The following STX18 variants were observed in gnomAD, a reference collection of about 807,000 sequenced individuals.
The protein encoded by STX18 is syntaxin 18, also known as syntaxin-18.
In STX18, 40 loss-of-function variants were observed where a neutral mutation model predicts 50.1. The observed-to-expected ratio is 0.80, with a 90% CI of 0.62 to 1.04. STX18 has a LOEUF of 1.04. Ranked by LOEUF, STX18 falls within the 50% of genes least tolerant of loss-of-function variation. The probability of loss-of-function intolerance (pLI) is 0.00; values close to 1 mark genes in which losing one functional copy is unlikely to be tolerated. For synonymous variants in STX18, 158 were observed against 151.8 expected, an observed-to-expected ratio of 1.04 and a Z score of -0.30; for missense variants, 410 against 415.8, an observed-to-expected ratio of 0.99 and a Z score of 0.12.
At chr4:4,477,049 T>TA (rs1276525094) in intron 1 of STX18, among the ~76,000 whole-genome samples, 4 of 149,614 alleles carry the variant, frequency 2.7e-5, no homozygotes, top group African/African-American at 4.9e-5. Context: ...AAAATACAAT[T>TA]AAAAAAAACC....
chr4:4,455,074 A>C (rs1161817391), intron 5 of STX18, among the ~76,000 whole-genome samples: 2 of 152,200 alleles, frequency 1.3e-5, no homozygotes, highest in African/African-American at 4.8e-5. Context: ...GCTCAAAGTC[A>C]CACAGTTTGA....
At chr4:4,518,653 T>C (rs1730385896) in intron 1 of STX18, among the ~76,000 whole-genome samples, 2 of 152,164 alleles carry the variant, frequency 1.3e-5, no homozygotes, top group Non-Finnish European at 1.5e-5. Context: ...AATTAATTCC[T>C]TCCTCTCTCT....
chr4:4,458,307 A>G (rs1303124346), intron 3 of STX18, among the ~76,000 whole-genome samples: 1 of 152,214 alleles, frequency 6.6e-6, no homozygotes, highest in Non-Finnish European at 1.5e-5. Context: ...CAATGAATGT[A>G]TATGCCCTTA....
intron 2 of STX18, among the ~76,000 whole-genome samples, chr4:4,468,596 T>G (rs1727746555): frequency 6.6e-6 from 1 of 152,138 alleles, no homozygotes. Flanking sequence ...TCGGTTACAT[T>G]ATCATGGTTA....
At chr4:4,482,817 G>T (rs958218456) in intron 1 of STX18, among the ~76,000 whole-genome samples, 1 of 152,202 alleles carries the variant, frequency 6.6e-6, no homozygotes, top group Non-Finnish European at 1.5e-5. Flanking sequence ...GAGGCAAGCT[G>T]TAAGTGATAA....
chr4:4,467,041 C>T (rs1330733581), intron 2 of STX18, among the ~76,000 whole-genome samples: 1 of 152,078 alleles, frequency 6.6e-6, no homozygotes, highest in Non-Finnish European at 1.5e-5. Flanking sequence ...AGCCAGTGTC[C>T]TGGTCTGCAT....
intron 1 of STX18, among the ~76,000 whole-genome samples, chr4:4,474,727 G>T (rs753476614): frequency 4.6e-5 from 7 of 152,186 alleles, no homozygotes; most frequent in Admixed American, 6.5e-5. Context: ...GATGGGGAAA[G>T]GAAGCCAAAG....
intron 1 of STX18, among the ~76,000 whole-genome samples, chr4:4,475,162 T>C (rs895618652): frequency 2.0e-4 from 31 of 152,182 alleles, no homozygotes; most frequent in Admixed American, 2.0e-3. Context: ...CACAAGCACA[T>C]AATTATTATA....
intron 1 of STX18, among the ~76,000 whole-genome samples, chr4:4,527,211 A>G (rs533502717): frequency 6.6e-6 from 1 of 152,332 alleles, no homozygotes; most frequent in East Asian, 1.9e-4. Flanking sequence ...ATTCTTTGGA[A>G]AAATATGCTT....
chr4:4,450,532 G>A (rs976703775), intron 5 of STX18, among the ~76,000 whole-genome samples: 3 of 152,068 alleles, frequency 2.0e-5, no homozygotes, highest in Admixed American at 6.6e-5. Context: ...CCGAACTCCC[G>A]GCCTCAAGCA....
At chr4:4,507,811 AC>A (rs1729793836) in intron 1 of STX18, 5 of 559,136 alleles carry the variant, frequency 8.9e-6, no homozygotes, top group Non-Finnish European at 1.5e-5. Flanking sequence ...AAATATATTC[AC>A]AGTAAAAAAA....
At chr4:4,489,597 CT>C (rs1196152676) in intron 1 of STX18, among the ~76,000 whole-genome samples, 1 of 151,434 alleles carries the variant, frequency 6.6e-6, no homozygotes, top group Non-Finnish European at 1.5e-5. Context: ...CTAACATCTT[CT>C]TTGTTTGGAA....
chr4:4,436,951 T>TTTC (rs1491209132), intron 6 of STX18, among the ~76,000 whole-genome samples: 1 of 57,356 alleles, frequency 1.7e-5, no homozygotes, highest in African/African-American at 3.1e-4. Flanking sequence ...CCAGACTCAC[T>TTTC]TTTTTTTTTT....
At chr4:4,485,998 C>T (rs990803302) in intron 1 of STX18, among the ~76,000 whole-genome samples, 4 of 152,298 alleles carry the variant, frequency 2.6e-5, no homozygotes, top group South Asian at 2.1e-4. Context: ...ATGGTCAGCA[C>T]GCAGGCAGAG....
At chr4:4,428,544 C>T (rs551216113) in intron 7 of STX18, among the ~76,000 whole-genome samples, 1 of 152,170 alleles carries the variant, frequency 6.6e-6, no homozygotes, top group South Asian at 2.1e-4. Flanking sequence ...GGCTGTCTAT[C>T]ATGATTTAAT....
intron 1 of STX18, among the ~76,000 whole-genome samples, chr4:4,486,324 T>G (rs937018039): frequency 6.6e-6 from 1 of 152,204 alleles, no homozygotes; most frequent in African/African-American, 2.4e-5. Flanking sequence ...TGCAGAACTT[T>G]GGAAAGTCTG....
At chr4:4,501,007 A>T (rs1002242427) in intron 1 of STX18, among the ~76,000 whole-genome samples, 10 of 152,234 alleles carry the variant, frequency 6.6e-5, no homozygotes, top group African/African-American at 2.4e-4. Flanking sequence ...ATTGCACTCC[A>T]GCTGGGGCCA....
chr4:4,442,126 C>A (rs1334753781), intron 5 of STX18, among the ~76,000 whole-genome samples: 1 of 151,926 alleles, frequency 6.6e-6, no homozygotes, highest in East Asian at 1.9e-4. Flanking sequence ...ATTGACAGAC[C>A]AATGAATAGG....
chr4:4,449,158 C>T (rs1026975329), intron 5 of STX18, among the ~76,000 whole-genome samples: 3 of 151,490 alleles, frequency 2.0e-5, no homozygotes, highest in Admixed American at 1.3e-4. Context: ...GCGATCCTCC[C>T]ACCTCTGCCT....
Sources: allele counts gnomAD v4.1 joint callset (sites outside exome capture counted in the v4.1 genomes callset), GRCh38; gene constraint gnomAD v4.1.1; transcripts MANE v1.5; gene names NCBI Gene and HGNC (gene_info 2026-07-23, HGNC 2026-07-21).